RBFOX1: variants seen among roughly 807,000 people sequenced by gnomAD.
RBFOX1 encodes RNA binding fox-1 homolog 1.
RBFOX1 carries 8 observed loss-of-function variants against 57.7 expected under a neutral mutation model. The ratio of observed to expected loss-of-function variants is 0.14; its 90% CI spans 0.08 to 0.25. RBFOX1 has a LOEUF of 0.25. Among genes scored for constraint, RBFOX1 ranks in the 10% least tolerant of loss-of-function variants. The pLI, the probability that RBFOX1 is intolerant of heterozygous loss-of-function variation, is 1.00. For synonymous variants in RBFOX1, 326 were observed against 222.4 expected, an observed-to-expected ratio of 1.47 and a Z score of -4.15; for missense variants, 611 against 548.5, an observed-to-expected ratio of 1.11 and a Z score of -1.14.
intron 3 of RBFOX1, among the ~76,000 whole-genome samples, chr16:6,804,670 C>G (rs2086297682): frequency 6.6e-6 from 1 of 152,150 alleles, no homozygotes; most frequent in Admixed American, 6.5e-5. Context: ...GAACAGCCAA[C>G]TTTCTAAAGA....
At chr16:7,555,616 G>A (rs2088135479) in intron 5 of RBFOX1, among the ~76,000 whole-genome samples, 1 of 152,124 alleles carries the variant, frequency 6.6e-6, no homozygotes, top group South Asian at 2.1e-4. Flanking sequence ...TCAGGTCTCT[G>A]ACGTCATCTC....
At chr16:6,347,314 C>T (rs2085536403) in intron 2 of RBFOX1, among the ~76,000 whole-genome samples, 1 of 152,136 alleles carries the variant, frequency 6.6e-6, no homozygotes, top group South Asian at 2.1e-4. Flanking sequence ...ATTGTCTCTC[C>T]TCTTTACTGG....
intron 4 of RBFOX1, among the ~76,000 whole-genome samples, chr16:7,402,595 A>G (rs1356122028): frequency 6.6e-6 from 1 of 152,152 alleles, no homozygotes; most frequent in Non-Finnish European, 1.5e-5. Context: ...TGGTTTCCAG[A>G]TCCTTATGCA....
At chr16:7,033,323 C>T (rs544482417) in intron 3 of RBFOX1, among the ~76,000 whole-genome samples, 12 of 152,284 alleles carry the variant, frequency 7.9e-5, no homozygotes, top group Non-Finnish European at 1.5e-4. Flanking sequence ...AGTTTGAGAC[C>T]AGCCTGGCTG....
intron 4 of RBFOX1, among the ~76,000 whole-genome samples, chr16:7,140,520 G>A (rs551602847): frequency 1.6e-4 from 24 of 151,972 alleles, no homozygotes; most frequent in Non-Finnish European, 3.5e-4. Flanking sequence ...TATAGTATGA[G>A]TTTAATAAAT....
intron 2 of RBFOX1, among the ~76,000 whole-genome samples, chr16:6,372,147 T>G (rs993647184): frequency 6.6e-6 from 1 of 151,878 alleles, no homozygotes; most frequent in Non-Finnish European, 1.5e-5. Flanking sequence ...TTCTTTGGGA[T>G]CCTGGGTAGG....
chr16:7,034,827 C>CTTTTTTTTTTTCTTTTTTGTTTT (rs2043824001), intron 3 of RBFOX1, among the ~76,000 whole-genome samples: 1 of 54,112 alleles, frequency 1.8e-5, no homozygotes, highest in African/African-American at 8.9e-5. Flanking sequence ...TATTGCATTA[C>CTTTTTTTTTTTCTTTTTTGTTTT]TTTTTTTTTT....
At chr16:7,330,510 T>TTG (rs1287839162) in intron 4 of RBFOX1, among the ~76,000 whole-genome samples, 30 of 57,176 alleles carry the variant, frequency 5.2e-4, no homozygotes, top group Non-Finnish European at 8.4e-4. Flanking sequence ...GTGTGTGTGT[T>TTG]TGTGTGTGTG....
chr16:6,774,823 G>T (rs192759034), intron 3 of RBFOX1, among the ~76,000 whole-genome samples: 2 of 152,006 alleles, frequency 1.3e-5, no homozygotes, highest in Non-Finnish European at 2.9e-5. Context: ...GCCATGAGCC[G>T]TATGGGCCTA....
intron 6 of RBFOX1, among the ~76,000 whole-genome samples, chr16:7,584,169 G>A (rs1346182587): frequency 4.6e-5 from 7 of 152,210 alleles, no homozygotes; most frequent in South Asian, 2.1e-4. Flanking sequence ...TTACTTTTAC[G>A]TTTTATGCTG....
chr16:6,853,536 G>A (rs868569294), intron 3 of RBFOX1, among the ~76,000 whole-genome samples: 2 of 152,078 alleles, frequency 1.3e-5, no homozygotes, highest in Non-Finnish European at 2.9e-5. Flanking sequence ...AGTGGTAGAT[G>A]CTTTCAGAAT....
chr16:6,677,470 T>A (rs1331689843), intron 3 of RBFOX1, among the ~76,000 whole-genome samples: 1 of 152,082 alleles, frequency 6.6e-6, no homozygotes, highest in Non-Finnish European at 1.5e-5. Flanking sequence ...CATCAAAAGA[T>A]CCTAAAAAGA....
Position 7,518,203 on chromosome 16 carries a change from C to T in RBFOX1, c.84C>T (p.Ala28=). Residue 28 remains alanine, a synonymous_variant, in exon 5 of 16, where the codon GCC becomes GCT. Coordinates refer to ENST00000550418, the MANE Select transcript of RBFOX1 (RefSeq NM_018723.4). ...CAATGGCTCAGCCTTACGCTTCGGC[C>T]CAGTTTGCTCCCCCGCAGAACGGTA... ...PDTMAQPYAS[A]QFAPPQNGIP... The T allele has an allele frequency of 1.9e-6, 3 of 1,614,066 alleles. No individual in the cohort carries two copies. The highest frequency in any genetic ancestry group is 2.5e-6 in the Non-Finnish European group (3 of 1,179,994).
intron 1 of RBFOX1, among the ~76,000 whole-genome samples, chr16:5,277,523 A>T (rs9932480): frequency 2.0e-5 from 3 of 152,148 alleles, no homozygotes; most frequent in Admixed American, 2.0e-4. Flanking sequence ...TATTCCTTCT[A>T]TTGTATATTT....
rs148487379 is a variant in RBFOX1, at chr16:7,556,515, G to A, written c.271-23262G>A. The stretch of plus-strand genomic sequence containing the variant: ...AAGGTTTATTTGTATAAGCAACTCA[G>A]TATGAAACTTTTACCTTGAATTTCC... On this transcript the variant is annotated intron_variant, in intron 5 of 15. Coordinates refer to ENST00000550418, the MANE Select transcript of RBFOX1 (RefSeq NM_018723.4). 2.4e-4 allele frequency among the ~76,000 whole-genome samples: 36 copies of A among 152,310 alleles called. 2 individuals are homozygous for A. In the South Asian group the frequency reaches 5.8e-3, roughly 25 times the overall value.
intron 1 of RBFOX1, among the ~76,000 whole-genome samples, chr16:5,254,275 T>C (rs1420384247): frequency 6.6e-6 from 1 of 152,184 alleles, no homozygotes; most frequent in Non-Finnish European, 1.5e-5. Flanking sequence ...TCACCATGGT[T>C]CTTCTCTCAC....
At chr16:6,607,754 G>C (rs1315809566) in intron 2 of RBFOX1, among the ~76,000 whole-genome samples, 1 of 152,122 alleles carries the variant, frequency 6.6e-6, no homozygotes, top group African/African-American at 2.4e-5. Context: ...GCTGTATATG[G>C]TTCCAAAATT....
intron 2 of RBFOX1, among the ~76,000 whole-genome samples, chr16:6,570,010 C>A (rs1300744735): frequency 6.6e-6 from 1 of 152,168 alleles, no homozygotes; most frequent in Non-Finnish European, 1.5e-5. Context: ...CTTGCATTCT[C>A]TTCTGGTTTA....
At chr16:7,038,072 C>G (rs12709168) in intron 3 of RBFOX1, among the ~76,000 whole-genome samples, 66,050 of 151,920 alleles carry the variant, frequency 0.43, 17,593 homozygotes, top group South Asian at 0.61. Context: ...GTATGTAAAT[C>G]CCCCACTTGC....
Sources: allele counts gnomAD v4.1 joint callset (sites outside exome capture counted in the v4.1 genomes callset), GRCh38; gene constraint gnomAD v4.1.1; transcripts MANE v1.5; gene names NCBI Gene and HGNC (gene_info 2026-07-23, HGNC 2026-07-21).